The following TLL1 variants were observed in gnomAD, a reference collection of about 807,000 sequenced individuals.
TLL1 encodes the protein tolloid-like protein 1.
In TLL1, 49 loss-of-function variants were observed where a neutral mutation model predicts 128.2. The observed-to-expected ratio is 0.38, with a 90% CI of 0.30 to 0.48. The LOEUF is 0.48. TLL1 is among the 20% of genes least tolerant of loss of function. The probability of loss-of-function intolerance (pLI) is 0.96; values close to 1 mark genes in which losing one functional copy is unlikely to be tolerated. For missense variants in TLL1, 1,123 were observed against 1,242.0 expected (o/e 0.90, Z 1.44); for synonymous variants, 454 against 418.8 (o/e 1.08, Z -1.03).
At chr4:166,008,199 A>G in intron 7 of TLL1, 151 bp downstream of exon 7, 1 of 548,740 alleles carries the variant, frequency 1.8e-6, no homozygotes, top group South Asian at 2.3e-5. Flanking sequence ...ACATTTATAG[A>G]CAAGAGCAAG....
intron 6 of TLL1, among the ~76,000 whole-genome samples, chr4:166,006,922 A>G (rs1251407102): frequency 6.6e-6 from 1 of 151,690 alleles, no homozygotes; most frequent in African/African-American, 2.4e-5. Flanking sequence ...AAAACTCTGT[A>G]TTAATGGGAT....
chr4:166,032,273 G>A (rs547948705), intron 9 of TLL1, among the ~76,000 whole-genome samples: 46 of 152,202 alleles, frequency 3.0e-4, no homozygotes, highest in Middle Eastern at 3.4e-3. Flanking sequence ...CAAATTATCA[G>A]TTCTTGTCAA....
chr4:166,098,334 CAAAA>C (rs3047106), intron 19 of TLL1, among the ~76,000 whole-genome samples: 46,987 of 110,116 alleles, frequency 0.43, 8,424 homozygotes, highest in Admixed American at 0.51. Flanking sequence ...GAGTTCTTCT[CAAAA>C]AAAAAAAAAA....
intron 15 of TLL1, among the ~76,000 whole-genome samples, chr4:166,064,442 C>T (rs1740481787): frequency 6.6e-6 from 1 of 152,072 alleles, no homozygotes; most frequent in Admixed American, 6.6e-5. Flanking sequence ...GTTCTGAAAG[C>T]ATTATTCTCA....
At chr4:165,909,922 A>G (rs72695718) in intron 1 of TLL1, among the ~76,000 whole-genome samples, 15,426 of 152,072 alleles carry the variant, frequency 0.1, 906 homozygotes, top group East Asian at 0.17. Flanking sequence ...TTCCCCAAAT[A>G]CCTACTGACA....
Position 165,888,567 on chromosome 4 carries a change from G to A in TLL1, c.169+14494G>A, listed in dbSNP as rs535237580. ...ACACTGGAAAATATTTTTTTTTTTT[G>A]CCTCCGTAACAGCACAAGATCACTT... On this transcript the variant is annotated intron_variant, in intron 1 of 20. Coordinates refer to ENST00000061240, the MANE Select transcript of TLL1 (RefSeq NM_012464.5). Among the ~76,000 whole-genome samples the A allele has an allele frequency of 2.9e-5, 4 of 136,622 alleles. No homozygotes were observed. In the South Asian group the frequency reaches 9.4e-4, roughly 32 times the overall value. 89.6% of individuals were successfully genotyped at this position (136,622 alleles called of 152,430 possible). A position where few individuals can be genotyped will look rare whatever the true frequency, so the allele number is the denominator to read the frequency against.
In TLL1 at chr4:165,992,789, C is replaced by T; in HGVS notation, c.281-15C>T. ...ACATATTTTGAGTTTAACTTGTTTC[C>T]TTTTATTCTTTAAGGTGGACTTGGA... On this transcript the variant is annotated splice_polypyrimidine_tract_variant and intron_variant, in intron 2 of 20. Transcript: ENST00000061240. The T allele has an allele frequency of 1.2e-6, 2 of 1,611,720 alleles. No homozygotes were observed. Among genetic ancestry groups the T allele is most frequent in the Non-Finnish European group, 1.7e-6 (2 of 1,178,142 alleles).
chr4:165,889,812 T>C (rs1459503032), intron 1 of TLL1, among the ~76,000 whole-genome samples: 4 of 152,226 alleles, frequency 2.6e-5, no homozygotes, highest in Admixed American at 2.6e-4. Flanking sequence ...CCATTTTTTC[T>C]TTATTTAAAA....
intron 1 of TLL1, among the ~76,000 whole-genome samples, chr4:165,971,710 C>T (rs1233832111): frequency 6.6e-6 from 1 of 152,140 alleles, no homozygotes; most frequent in African/African-American, 2.4e-5. Flanking sequence ...TGCAAGTGTA[C>T]ACTCAGCCTT....
chr4:166,090,257 G>A (rs1055870238), intron 18 of TLL1, among the ~76,000 whole-genome samples: 2 of 152,010 alleles, frequency 1.3e-5, no homozygotes, highest in Non-Finnish European at 2.9e-5. Flanking sequence ...TGGTTTTTCT[G>A]GGGAAAGGAA....
At chr4:166,091,059 T>C (rs970348752) in intron 18 of TLL1, 69 bp from the exon 19 acceptor site, 1 of 1,338,942 alleles carries the variant, frequency 7.5e-7, no homozygotes, top group Non-Finnish European at 1.0e-6. Context: ...TGTATTTCTG[T>C]CCCAAAAATT....
intron 12 of TLL1, chr4:166,044,527 A>G: frequency 3.8e-6 from 4 of 1,054,294 alleles, no homozygotes; most frequent in South Asian, 1.5e-5. Context: ...AAAAATATAT[A>G]CTTTCTACTT....
At chr4:165,952,209 T>A (rs538531701) in intron 1 of TLL1, among the ~76,000 whole-genome samples, 1 of 152,268 alleles carries the variant, frequency 6.6e-6, no homozygotes, top group African/African-American at 2.4e-5. Flanking sequence ...CTCTTCTAAA[T>A]CTGAAAAATA....
At chr4:165,994,291 A>G (rs779103395) in intron 3 of TLL1, 90 bp from the exon 4 acceptor site, 12 of 1,498,736 alleles carry the variant, frequency 8.0e-6, no homozygotes, top group Non-Finnish European at 1.1e-5. Flanking sequence ...AAATATGTAA[A>G]TAAGACATTT....
chr4:166,005,646 G>GGGAAATAAAGA (rs1737390562), intron 6 of TLL1, among the ~76,000 whole-genome samples: 1 of 151,826 alleles, frequency 6.6e-6, no homozygotes. Context: ...ACCACTAGGA[G>GGGAAATAAAGA]GGAAATAAAG....
intron 19 of TLL1, among the ~76,000 whole-genome samples, chr4:166,094,008 A>G (rs1741903076): frequency 1.3e-5 from 2 of 152,278 alleles, no homozygotes; most frequent in Admixed American, 1.3e-4. Context: ...TTCAAGGTAC[A>G]GGTCAAAATG....
At chr4:166,045,667 G>A (rs778669638) in intron 12 of TLL1, among the ~76,000 whole-genome samples, 12 of 152,152 alleles carry the variant, frequency 7.9e-5, no homozygotes, top group East Asian at 1.9e-4. Context: ...ATCTAGACTC[G>A]ATTATCATGG....
At chr4:165,969,855 G>A (rs1735556918) in intron 1 of TLL1, among the ~76,000 whole-genome samples, 1 of 152,036 alleles carries the variant, frequency 6.6e-6, no homozygotes, top group Non-Finnish European at 1.5e-5. Flanking sequence ...GAAGAATCTT[G>A]TATGTATTCT....
chr4:165,973,722 G>A (rs1239360372), intron 1 of TLL1, among the ~76,000 whole-genome samples: 3 of 151,382 alleles, frequency 2.0e-5, no homozygotes, highest in Non-Finnish European at 4.4e-5. Flanking sequence ...CTGGAGTGCA[G>A]TGGTACAATC....
Sources: gnomAD v4.1 joint callset for allele counts (sites outside exome capture counted in the v4.1 genomes callset) on GRCh38, gnomAD v4.1.1 for gene constraint, MANE v1.5 for transcripts, NCBI Gene and HGNC (gene_info 2026-07-23, HGNC 2026-07-21) for gene names.